Variants in CNGA3 observed in about 807,000 individuals in gnomAD.
CNGA3 encodes cyclic nucleotide-gated channel alpha-3.
CNGA3 carries 42 observed loss-of-function variants against 46.6 expected under a neutral mutation model. That is an observed-to-expected ratio of 0.90 (90% confidence interval 0.70 to 1.17). The LOEUF (loss-of-function observed/expected upper bound fraction) is 1.17, where lower values mean the gene tolerates loss of function less well. Ranked by LOEUF, CNGA3 falls within the 50% of genes most tolerant of loss-of-function variation. CNGA3 has a pLI of 0.00. For synonymous variants in CNGA3, 394 were observed against 369.4 expected (o/e 1.07, Z -0.76); for missense variants, 893 against 890.7 (o/e 1.00, Z -0.03).
At chr2:98,359,588 A>G (rs1699592173) in intron 1 of CNGA3, among the ~76,000 whole-genome samples, 1 of 152,066 alleles carries the variant, frequency 6.6e-6, no homozygotes, top group Admixed American at 6.5e-5. Flanking sequence ...GGCCCCTTGG[A>G]GTTGAGCCTG....
intron 3 of CNGA3, among the ~76,000 whole-genome samples, chr2:98,378,483 T>C (rs1276020668): frequency 6.6e-6 from 1 of 152,258 alleles, no homozygotes; most frequent in Non-Finnish European, 1.5e-5. Flanking sequence ...ACGTGGTTTT[T>C]TCCAATGCCA....
At position 98,367,167 on chromosome 2, in the gene CNGA3, G is replaced by GTTTATTTTCTTT. The variant is rs751611132; in HGVS notation, c.-37-2769_-37-2768insATTTTCTTTTTT. ...TTGGTGAGAACCTCTGACATCAGCTGTTTTTTTTCTTTTTTTTCTTTTTTT... is the reference window on the plus strand; with the variant it reads ...TTGGTGAGAACCTCTGACATCAGCTGTTTATTTTCTTTTTTTTTTTCTTTTTTTTCTTTTTTT... On this transcript the variant is annotated intron_variant, in intron 1 of 7. Coordinates refer to ENST00000272602, the MANE Select transcript of CNGA3 (RefSeq NM_001298.3). Among the ~76,000 whole-genome samples, 318 of 101,564 alleles carry GTTTATTTTCTTT rather than the reference G, an allele frequency of 3.1e-3. 31 individuals carry two copies. Among genetic ancestry groups the GTTTATTTTCTTT allele is most frequent in the African/African-American group, 5.6e-3 (168 of 29,916 alleles). 66.6% of individuals were successfully genotyped at this position (101,564 alleles called of 152,430 possible).
intron 3 of CNGA3, 146 bp downstream of exon 3, chr2:98,377,946 A>G: frequency 7.4e-7 from 1 of 1,348,158 alleles, no homozygotes; most frequent in Non-Finnish European, 1.0e-6. Context: ...CCTGAAAACT[A>G]TCAGTGAGTA....
intron 1 of CNGA3, among the ~76,000 whole-genome samples, chr2:98,364,881 G>A (rs922709970): frequency 1.3e-5 from 2 of 152,120 alleles, no homozygotes; most frequent in African/African-American, 2.4e-5. Context: ...GTTTAGTTTG[G>A]CCAGATAGGA....
At chr2:98,376,531 G>T (rs1459662266) in intron 2 of CNGA3, among the ~76,000 whole-genome samples, 1 of 152,132 alleles carries the variant, frequency 6.6e-6, no homozygotes. Flanking sequence ...CAGGCAGACC[G>T]GGGCATGGGA....
chr2:98,388,046 T>G (rs1008263172), intron 5 of CNGA3, among the ~76,000 whole-genome samples: 1 of 152,204 alleles, frequency 6.6e-6, no homozygotes, highest in African/African-American at 2.4e-5. Context: ...CAATGTATAC[T>G]CAATGGGGTG....
rs1692964578 is a variant in CNGA3 at position 98,398,122 on chromosome 2, G to A, written c.*867G>A. ...AATGGTGTACTAAACCAAAAAAGCT[G>A]ACAACTGAGAGTTTTAGAAGATTAG... is the stretch of plus-strand genomic sequence containing the variant. On this transcript the variant is annotated 3_prime_UTR_variant, in exon 8 of 8. Transcript: ENST00000272602. 6.6e-6 allele frequency: 1 copy of A among 152,130 alleles called. No individual in the cohort carries two copies. The highest frequency in any genetic ancestry group is 1.5e-5 in the Non-Finnish European group (1 of 68,018). 9.4% of individuals were successfully genotyped at this position (152,130 alleles called of 1,614,324 possible).
chr2:98,386,101 G>C (rs1219558148), intron 5 of CNGA3, among the ~76,000 whole-genome samples: 1 of 152,200 alleles, frequency 6.6e-6, no homozygotes, highest in Non-Finnish European at 1.5e-5. Flanking sequence ...GTTACTCTGT[G>C]AAAAGTGCTC....
intron 7 of CNGA3, among the ~76,000 whole-genome samples, chr2:98,394,743 C>T (rs554920931): frequency 6.6e-6 from 1 of 152,216 alleles, no homozygotes; most frequent in Non-Finnish European, 1.5e-5. Context: ...TAGAATGTCT[C>T]AGGAAGTCAA....
intron 2 of CNGA3, among the ~76,000 whole-genome samples, chr2:98,373,731 T>C (rs1380336475): frequency 6.6e-6 from 1 of 152,226 alleles, no homozygotes; most frequent in East Asian, 1.9e-4. Context: ...TCTGTGAGGA[T>C]AAGGCAATAG....
chr2:98,352,363 G>A (rs148100150), intron 1 of CNGA3, among the ~76,000 whole-genome samples: 128 of 152,258 alleles, frequency 8.4e-4, no homozygotes, highest in African/African-American at 2.8e-3. Context: ...ACAAGTTGTT[G>A]TGTGGACATG....
At chr2:98,356,766 CAGTT>C (rs1275806632) in intron 1 of CNGA3, among the ~76,000 whole-genome samples, 5 of 152,174 alleles carry the variant, frequency 3.3e-5, no homozygotes, top group Non-Finnish European at 5.9e-5. Context: ...TGTAAATGGT[CAGTT>C]AGTCATCATG....
At chr2:98,366,237 GGCT>G (rs1265588927) in intron 1 of CNGA3, among the ~76,000 whole-genome samples, 1 of 147,332 alleles carries the variant, frequency 6.8e-6, no homozygotes, top group Admixed American at 6.8e-5. Flanking sequence ...TACCAGTGGA[GGCT>G]GCAGAACAGC....
chr2:98,372,382 C>G (rs1465766772), intron 2 of CNGA3, among the ~76,000 whole-genome samples: 1 of 152,232 alleles, frequency 6.6e-6, no homozygotes. Flanking sequence ...CTCTGGAATG[C>G]ACACTGACAA....
At chr2:98,392,468 G>A (rs1692812077) in intron 7 of CNGA3, among the ~76,000 whole-genome samples, 1 of 152,018 alleles carries the variant, frequency 6.6e-6, no homozygotes, top group Admixed American at 6.6e-5. Flanking sequence ...GCTGAGGCAG[G>A]AGAATCGCTT....
At chr2:98,387,811 G>A (rs190406404) in intron 5 of CNGA3, among the ~76,000 whole-genome samples, 4 of 152,332 alleles carry the variant, frequency 2.6e-5, no homozygotes, top group African/African-American at 9.6e-5. Flanking sequence ...TTGATCCAGA[G>A]AGAGGTTTCA....
chr2:98,347,113 A>T (rs1691650272), intron 1 of CNGA3: 1 of 152,334 alleles, frequency 6.6e-6, no homozygotes, highest in Non-Finnish European at 1.5e-5. Flanking sequence ...GGCCGGGGGA[A>T]GGCAGCGGCG....
At chr2:98,362,173 CTT>C (rs1231791527) in intron 1 of CNGA3, among the ~76,000 whole-genome samples, 5,462 of 89,220 alleles carry the variant, frequency 0.061, 77 homozygotes, top group African/African-American at 0.13. Context: ...CCTTTGCCCA[CTT>C]TTTTTTTTTT....
At chr2:98,386,376 G>A (rs916673461) in intron 5 of CNGA3, among the ~76,000 whole-genome samples, 3 of 152,276 alleles carry the variant, frequency 2.0e-5, no homozygotes, top group African/African-American at 4.8e-5. Context: ...TCTGGTGGGA[G>A]GTAATTGAAT....
Sources: gnomAD v4.1 joint callset for allele counts (sites outside exome capture counted in the v4.1 genomes callset) on GRCh38, gnomAD v4.1.1 for gene constraint, MANE v1.5 for transcripts, NCBI Gene and HGNC (gene_info 2026-07-23, HGNC 2026-07-21) for gene names.